The following IL15RA variants were observed in gnomAD, a reference collection of about 807,000 sequenced individuals.
IL15RA encodes the protein interleukin 15 receptor subunit alpha.
IL15RA carries 26 observed loss-of-function variants against 24.2 expected under a neutral mutation model. The ratio of observed to expected loss-of-function variants is 1.07; its 90% CI spans 0.79 to 1.49. The LOEUF is 1.49. Ranked by LOEUF, IL15RA falls within the 40% of genes most tolerant of loss-of-function variation. The probability of loss-of-function intolerance (pLI) is 0.00; values close to 1 mark genes in which losing one functional copy is unlikely to be tolerated. For synonymous variants in IL15RA, 166 were observed against 157.6 expected (o/e 1.05, Z -0.40); for missense variants, 354 against 356.4 (o/e 0.99, Z 0.05).
chr10:5,950,957 T>C (rs543739445), downstream of IL15RA: 1 of 152,040 alleles, frequency 6.6e-6, no homozygotes, highest in South Asian at 2.1e-4. This position sits in a 1 kb window ranked among gnomAD's most constrained non-coding sequence, Gnocchi z 5.6. Context: ...CTGGCCATCA[T>C]GGCAAAACCC....
At position 5,971,514 on chromosome 10, in the gene IL15RA, CG is replaced by C. The variant is rs1837605181; in HGVS notation, c.89-5176del. ...CAGAGTTCAGAGGTTGTCGGGTTAG[CG>C]TGGCTCCCAATCCTGTGAGCAGAGT... On this transcript the variant is annotated intron_variant, in intron 1 of 6. Coordinates refer to ENST00000379977, the MANE Select transcript of IL15RA (RefSeq NM_002189.4). The surrounding 1 kb of genome is among the most constrained non-coding windows in gnomAD (Gnocchi z 5.5). Among the ~76,000 whole-genome samples, 4 of 152,202 alleles carry C rather than the reference CG, an allele frequency of 2.6e-5. No homozygotes were observed. In the South Asian group the frequency reaches 8.3e-4, roughly 31 times the overall value.
Position 5,959,632 on chromosome 10 carries a change from G to C in IL15RA, c.616+122C>G. 1 of 801,456 alleles carries C rather than the reference G, an allele frequency of 1.2e-6. No homozygotes were observed. Among genetic ancestry groups the C allele is most frequent in the Non-Finnish European group, 2.2e-6 (1 of 457,210 alleles). 49.6% of individuals were successfully genotyped at this position (801,456 alleles called of 1,614,324 possible). ...ACTTATTATCTGATGGAGGCCTTCT[G>C]AGTGTGGAAGGGGCTGCTGTCAGGG... On this transcript the variant is annotated intron_variant, in intron 5 of 6. Coordinates refer to ENST00000379977, the MANE Select transcript of IL15RA (RefSeq NM_002189.4). The surrounding 1 kb of genome is among the most constrained non-coding windows in gnomAD (Gnocchi z 4.1).
downstream of IL15RA, among the ~76,000 whole-genome samples, chr10:5,950,110 AT>A (rs1833770182): frequency 6.7e-6 from 1 of 148,914 alleles, no homozygotes; most frequent in South Asian, 2.2e-4. This position sits in a 1 kb window ranked among gnomAD's most constrained non-coding sequence, Gnocchi z 5.6. Flanking sequence ...AAAAAGTCTT[AT>A]TTCTTGATCA....
chr10:5,961,883 C>G lies in IL15RA; in HGVS notation c.383-1316G>C, dbSNP rs1471774047. 6.6e-6 allele frequency among the ~76,000 whole-genome samples: 1 copy of G among 152,258 alleles called. No individual in the cohort carries two copies. The highest frequency in any genetic ancestry group is 2.4e-5 in the African/African-American group (1 of 41,470). ...CAGGTCATGAGAAGGCCTCACGCCC[C>G]TTAATCCTGTGTCACCACCTTTCAT... is the stretch of plus-strand genomic sequence containing the variant. On this transcript the variant is annotated intron_variant, in intron 3 of 6. Transcript: ENST00000379977. This position sits in a 1 kb window ranked among gnomAD's most constrained non-coding sequence, Gnocchi z 5.2.
rs1836028506 is a variant in IL15RA, at chr10:5,963,902, A to C, written c.284-61T>G. ...TGAGCCTGGAACCTGGGCTGGCTTC[A>C]GAACGGGATACAAATAAAATATATC... is the stretch of plus-strand genomic sequence containing the variant. On this transcript the variant is annotated intron_variant, in intron 2 of 6. Coordinates refer to ENST00000379977, the MANE Select transcript of IL15RA (RefSeq NM_002189.4). The surrounding 1 kb of genome is among the most constrained non-coding windows in gnomAD (Gnocchi z 5.3). 3.9e-6 allele frequency: 4 copies of C among 1,033,874 alleles called. No homozygotes were observed. Among genetic ancestry groups the C allele is most frequent in the Non-Finnish European group, 5.6e-6 (4 of 712,798 alleles). The allele number at this position is 1,033,874 out of a possible 1,614,324, so 64.0% of individuals were successfully genotyped here.
At chr10:5,976,178 C>T (rs994994431) in intron 1 of IL15RA, among the ~76,000 whole-genome samples, 6 of 152,128 alleles carry the variant, frequency 3.9e-5, no homozygotes, top group Non-Finnish European at 7.3e-5. Context: ...GAGGAACCAA[C>T]CGGTCACCAA....
intron 1 of IL15RA, among the ~76,000 whole-genome samples, chr10:5,974,440 C>A (rs910886447): frequency 6.6e-6 from 1 of 152,170 alleles, no homozygotes; most frequent in East Asian, 1.9e-4. Context: ...CCCCTACATA[C>A]CTAGTAGAAT....
At chr10:5,977,586 C>G, upstream of IL15RA, 2 of 1,255,978 alleles carry the variant, frequency 1.6e-6, no homozygotes, top group East Asian at 3.2e-5. Flanking sequence ...CCTGCCGCCC[C>G]GCCAGTCGCA....
rs776372722 is a variant in IL15RA at position 5,970,192 on chromosome 10, G to C, written c.89-3853C>G. ...ACTAGTTTAGTGGTTGTTTTAGGGT[G>C]TCCACTATATATCTTTACCTTATCA... On this transcript the variant is annotated intron_variant, in intron 1 of 6. Coordinates refer to ENST00000379977, the MANE Select transcript of IL15RA (RefSeq NM_002189.4). This position sits in a 1 kb window ranked among gnomAD's most constrained non-coding sequence, Gnocchi z 4.1. 2.6e-5 allele frequency among the ~76,000 whole-genome samples: 4 copies of C among 152,106 alleles called. No individual in the cohort carries two copies. The highest frequency in any genetic ancestry group is 6.6e-5 in the Admixed American group (1 of 15,258).
rs1838216395 is a variant in IL15RA at position 5,975,116 on chromosome 10, A to G, written c.88+2289T>C. ...GAGAAATGAAAACATGTGTCCATAC[A>G]GAAACCTGTATGTCAGTGTTCATAG... On this transcript the variant is annotated intron_variant, in intron 1 of 6. Coordinates refer to ENST00000379977, the MANE Select transcript of IL15RA (RefSeq NM_002189.4). This position sits in a 1 kb window ranked among gnomAD's most constrained non-coding sequence, Gnocchi z 4.8. 6.6e-6 allele frequency among the ~76,000 whole-genome samples: 1 copy of G among 152,144 alleles called. No homozygotes were observed. The highest frequency in any genetic ancestry group is 1.5e-5 in the Non-Finnish European group (1 of 68,020).
downstream of IL15RA, among the ~76,000 whole-genome samples, chr10:5,951,854 C>T (rs956713424): frequency 6.6e-6 from 1 of 152,042 alleles, no homozygotes; most frequent in Non-Finnish European, 1.5e-5. Flanking sequence ...GAGATGGGGT[C>T]TCACTATGTT....
rs115594091 is a variant in IL15RA, at chr10:5,956,932, C to T, written c.617-478G>A. 4.9e-3 allele frequency among the ~76,000 whole-genome samples: 747 copies of T among 151,628 alleles called. 8 individuals are homozygous for T. The highest frequency in any genetic ancestry group is 0.016 in the African/African-American group (676 of 41,298). On this transcript the variant is annotated intron_variant, in intron 5 of 6. Coordinates refer to ENST00000379977, the MANE Select transcript of IL15RA (RefSeq NM_002189.4). ...ATAGCACACAGTGCCATTTTCCTTC[C>T]AATTTCATTTTTTTTTCACTTGCAA...
Position 5,958,073 on chromosome 10 carries a change from A to G in IL15RA, c.617-1619T>C. On this transcript the variant is annotated intron_variant, in intron 5 of 6. Coordinates refer to ENST00000379977, the MANE Select transcript of IL15RA (RefSeq NM_002189.4). The surrounding 1 kb of genome is among the most constrained non-coding windows in gnomAD (Gnocchi z 4.3). ...TCAATTAATGGCTGTTTGTAAGATA[A>G]CAACAGAATGTAGCAATCACATGTC... 4.5e-6 allele frequency: 1 copy of G among 220,958 alleles called. No individual in the cohort carries two copies. The highest frequency in any genetic ancestry group is 1.0e-4 in the East Asian group (1 of 9,612). 13.7% of individuals were successfully genotyped at this position (220,958 alleles called of 1,614,324 possible).
At chr10:5,977,262 G>C (rs1186288219) in intron 1 of IL15RA, 143 bp downstream of exon 1, 1 of 385,130 alleles carries the variant, frequency 2.6e-6, no homozygotes, top group African/African-American at 2.1e-5. Flanking sequence ...TCCCCTCCCC[G>C]GCCTGGGCCT....
chr10:5,966,378 T>G lies in IL15RA; in HGVS notation c.89-39A>C. The G allele has an allele frequency of 6.4e-7, 1 of 1,557,452 alleles. No individual in the cohort carries two copies. The highest frequency in any genetic ancestry group is 8.8e-7 in the Non-Finnish European group (1 of 1,132,578). On this transcript the variant is annotated intron_variant, in intron 1 of 6. Transcript: ENST00000379977. The surrounding 1 kb of genome is among the most constrained non-coding windows in gnomAD (Gnocchi z 6.4). ...GAGGACAGGGGACGGTGAAGAGGTT[T>G]CCACTTGTAAGAGGCGTTCTCCAGG...
In IL15RA at chr10:5,960,456, A is replaced by G. The variant is rs1835313134; in HGVS notation, c.494T>C (p.Ile165Thr). The G allele has an allele frequency of 6.2e-7, 1 of 1,613,936 alleles. No individual in the cohort carries two copies. The highest frequency in any genetic ancestry group is 8.5e-7 in the Non-Finnish European group (1 of 1,180,000). Residue 165 changes from isoleucine to threonine, a missense_variant, in exon 4 of 7, where the codon ATA becomes ACA. Physicochemically the swap from Ile to Thr is moderately conservative, Grantham distance 89. Transcript: ENST00000379977. The surrounding 1 kb of genome is among the most constrained non-coding windows in gnomAD (Gnocchi z 5.1). The stretch of plus-strand genomic sequence containing the variant: ...GCCGTGGGAGGACTCATGACTGCTT[A>G]TCTCTGTGGTTCCTGTGGAAGGTGA... ...SKSPSTGTTE[I>T]SSHESSHGTP...
chr10:5,966,345 A>G lies in IL15RA; in HGVS notation c.89-6T>C. 1.2e-6 allele frequency: 2 copies of G among 1,603,788 alleles called. No homozygotes were observed. The highest frequency in any genetic ancestry group is 1.3e-5 in the African/African-American group (1 of 74,864). ...GGGGGGAGGGCACGTGATGCCTGCG[A>G]AAGTGCAGAGGACAGGGGACGGTGA... is the stretch of plus-strand genomic sequence containing the variant. On this transcript the variant is annotated splice_region_variant and splice_polypyrimidine_tract_variant and intron_variant, in intron 1 of 6. Transcript: ENST00000379977. The surrounding 1 kb of genome is among the most constrained non-coding windows in gnomAD (Gnocchi z 6.4).
rs1204557376 is a variant in IL15RA at position 5,968,713 on chromosome 10, A to C, written c.89-2374T>G. 20 of 699,554 alleles carry C rather than the reference A, an allele frequency of 2.9e-5. No individual in the cohort carries two copies. The highest frequency in any genetic ancestry group is 4.2e-5 in the Non-Finnish European group (16 of 382,888). 43.3% of individuals were successfully genotyped at this position (699,554 alleles called of 1,614,324 possible). On this transcript the variant is annotated intron_variant, in intron 1 of 6. Transcript: ENST00000379977. The surrounding 1 kb of genome is among the most constrained non-coding windows in gnomAD (Gnocchi z 5.4). Reference sequence around the variant, plus strand: ...GTCCTTCTCTACCTGCCTAAACCACAGAGTGTTATTTCTCCACACTTGCCC... The same window carrying C: ...GTCCTTCTCTACCTGCCTAAACCACCGAGTGTTATTTCTCCACACTTGCCC...
chr10:5,972,227 C>T (rs1837728540), intron 1 of IL15RA, among the ~76,000 whole-genome samples: 1 of 152,178 alleles, frequency 6.6e-6, no homozygotes, highest in African/African-American at 2.4e-5. Context: ...CCCCACTGCA[C>T]AGAAGGGAAT....
Sources: gnomAD v4.1 joint callset for allele counts (sites outside exome capture counted in the v4.1 genomes callset) on GRCh38, gnomAD v4.1.1 for gene constraint, Gnocchi (gnomAD v3.1) non-coding constraint, MANE v1.5 for transcripts, NCBI Gene and HGNC (gene_info 2026-07-23, HGNC 2026-07-21) for gene names.